The following VEPH1 variants were observed in gnomAD, a reference collection of about 807,000 sequenced individuals.
VEPH1 encodes the protein ventricular zone-expressed PH domain-containing protein homolog 1.
VEPH1 carries 80 observed loss-of-function variants against 85.2 expected under a neutral mutation model. The ratio of observed to expected loss-of-function variants is 0.94; its 90% CI spans 0.78 to 1.13. The LOEUF is 1.13. VEPH1 is among the 50% of genes most tolerant of loss of function. VEPH1 has a pLI of 0.00. For synonymous variants in VEPH1, 297 were observed against 348.0 expected, an observed-to-expected ratio of 0.85 and a Z score of 1.63; for missense variants, 955 against 980.5, an observed-to-expected ratio of 0.97 and a Z score of 0.35.
intron 5 of VEPH1, among the ~76,000 whole-genome samples, chr3:157,427,589 G>A (rs1174338260): frequency 6.6e-6 from 1 of 152,142 alleles, no homozygotes; most frequent in African/African-American, 2.4e-5. Context: ...CTGAGTCGCT[G>A]GGACTACAGG....
intron 11 of VEPH1, among the ~76,000 whole-genome samples, chr3:157,289,655 C>T (rs1234138831): frequency 6.6e-6 from 1 of 152,210 alleles, no homozygotes; most frequent in Non-Finnish European, 1.5e-5. Context: ...GTTCTCTCTC[C>T]TACTCAACCT....
intron 2 of VEPH1, among the ~76,000 whole-genome samples, chr3:157,477,980 T>C (rs1737648465): frequency 6.6e-6 from 1 of 152,118 alleles, no homozygotes; most frequent in Non-Finnish European, 1.5e-5. Flanking sequence ...AAGCATACCA[T>C]TTAGAACAGT....
At chr3:157,265,737 G>C in intron 12 of VEPH1, 75 bp from the exon 13 acceptor site, 1 of 1,508,914 alleles carries the variant, frequency 6.6e-7, no homozygotes, top group Middle Eastern at 1.8e-4. Flanking sequence ...AGTCAGAACT[G>C]TACAGTGTAC....
intron 12 of VEPH1, among the ~76,000 whole-genome samples, chr3:157,281,540 CT>C (rs370462040): frequency 0.045 from 6,527 of 145,704 alleles, 164 homozygotes; most frequent in South Asian, 0.11. Context: ...ATCGAGTTTT[CT>C]TTTTTTTTTT....
At chr3:157,327,672 T>C (rs1370906121) in intron 9 of VEPH1, among the ~76,000 whole-genome samples, 1 of 152,104 alleles carries the variant, frequency 6.6e-6, no homozygotes, top group Non-Finnish European at 1.5e-5. Context: ...GGTTTGCATG[T>C]GAGGGCGAAA....
intron 6 of VEPH1, among the ~76,000 whole-genome samples, chr3:157,410,780 A>G (rs1026497441): frequency 3.3e-5 from 5 of 152,200 alleles, no homozygotes; most frequent in Admixed American, 2.6e-4. Context: ...AAATGGAAAA[A>G]TGGAATCAAA....
chr3:157,437,711 A>G, intron 4 of VEPH1: 1 of 1,530,990 alleles, frequency 6.5e-7, no homozygotes, highest in Non-Finnish European at 8.7e-7. Context: ...GCTCCCGCAG[A>G]GGCCAGGCTG....
chr3:157,439,265 C>T (rs551085661), intron 4 of VEPH1, among the ~76,000 whole-genome samples: 4 of 152,260 alleles, frequency 2.6e-5, no homozygotes, highest in Admixed American at 2.6e-4. Flanking sequence ...TATTTTTTAT[C>T]TTCATCTTTG....
At chr3:157,450,165 C>T (rs1399294905) in intron 4 of VEPH1, among the ~76,000 whole-genome samples, 7 of 144,138 alleles carry the variant, frequency 4.9e-5, no homozygotes, top group Non-Finnish European at 1.0e-4. Context: ...AAGCTATTTT[C>T]CCACTTCAGC....
chr3:157,287,696 C>T (rs1716959749), intron 11 of VEPH1, among the ~76,000 whole-genome samples: 1 of 151,814 alleles, frequency 6.6e-6, no homozygotes, highest in South Asian at 2.1e-4. Flanking sequence ...TCCTGAGCAG[C>T]TGGGTTTACG....
At chr3:157,416,363 G>T (rs1265665335) in intron 5 of VEPH1, among the ~76,000 whole-genome samples, 1 of 142,346 alleles carries the variant, frequency 7.0e-6, no homozygotes, top group Non-Finnish European at 1.5e-5. Context: ...ACTTTTGGAG[G>T]AAATAAAGGG....
At chr3:157,445,430 G>A (rs1020208607) in intron 4 of VEPH1, among the ~76,000 whole-genome samples, 5 of 152,108 alleles carry the variant, frequency 3.3e-5, no homozygotes, top group African/African-American at 1.2e-4. Flanking sequence ...AGACCATCCT[G>A]GCCAACATGG....
rs978140497 is a variant in VEPH1, at chr3:157,362,031, A to AT, written c.1735+1332dup. On this transcript the variant is annotated intron_variant, in intron 9 of 13. Transcript: ENST00000362010. ...TTTTACTGAGTTTTTTAATTTTTTTATTTTTTTTTTGGGTGGGGGGACAGA... is the reference window on the plus strand; with the variant it reads ...TTTTACTGAGTTTTTTAATTTTTTTATTTTTTTTTTTGGGTGGGGGGACAGA... Among the ~76,000 whole-genome samples, 1,215 of 148,062 alleles carry AT rather than the reference A, an allele frequency of 8.2e-3. 19 individuals carry two copies. Among genetic ancestry groups the AT allele is most frequent in the African/African-American group, 0.027 (1,108 of 40,450 alleles).
rs192193828 is a variant in VEPH1, at chr3:157,356,616, C to T, written c.1735+6748G>A. On this transcript the variant is annotated intron_variant, in intron 9 of 13. Coordinates refer to ENST00000362010, the MANE Select transcript of VEPH1 (RefSeq NM_001167912.2). ...TGTCTTATCAAAACCCTTCACCCAGCGATATAATCTCTTTTCAGTTTCCTG... is the reference window on the plus strand; with the variant it reads ...TGTCTTATCAAAACCCTTCACCCAGTGATATAATCTCTTTTCAGTTTCCTG... Among the ~76,000 whole-genome samples, 776 of 152,250 alleles carry T rather than the reference C, an allele frequency of 5.1e-3. 7 individuals are homozygous for T. Among genetic ancestry groups the T allele is most frequent in the Non-Finnish European group, 7.6e-3 (520 of 68,014 alleles).
chr3:157,475,143 C>T (rs1409619521), intron 2 of VEPH1, among the ~76,000 whole-genome samples: 2 of 146,108 alleles, frequency 1.4e-5, no homozygotes, highest in Non-Finnish European at 3.0e-5. Context: ...CCATTCCCAG[C>T]TAATTTTTTT....
intron 9 of VEPH1, among the ~76,000 whole-genome samples, chr3:157,328,651 T>C (rs984715095): frequency 3.9e-5 from 6 of 152,148 alleles, no homozygotes; most frequent in African/African-American, 1.4e-4. Context: ...CCTAGGACTG[T>C]TAAGATATGT....
chr3:157,348,166 C>G (rs1724452400), intron 9 of VEPH1, among the ~76,000 whole-genome samples: 1 of 152,206 alleles, frequency 6.6e-6, no homozygotes, highest in Non-Finnish European at 1.5e-5. Flanking sequence ...AGAACCCTGC[C>G]TTGAGCTGAC....
chr3:157,418,324 T>G (rs1251695078), intron 5 of VEPH1, among the ~76,000 whole-genome samples: 1 of 152,176 alleles, frequency 6.6e-6, no homozygotes, highest in African/African-American at 2.4e-5. Flanking sequence ...AGCAGTCTAT[T>G]CACGAGTTTG....
At chr3:157,360,237 A>T (rs928907894) in intron 9 of VEPH1, among the ~76,000 whole-genome samples, 7 of 152,240 alleles carry the variant, frequency 4.6e-5, no homozygotes, top group African/African-American at 1.7e-4. Flanking sequence ...CCCTGCAATC[A>T]GCCTGAGCTC....
Sources: allele counts gnomAD v4.1 joint callset (sites outside exome capture counted in the v4.1 genomes callset), GRCh38; gene constraint gnomAD v4.1.1; transcripts MANE v1.5; gene names NCBI Gene and HGNC (gene_info 2026-07-23, HGNC 2026-07-21).